The following UBE3C variants were observed in gnomAD, a reference collection of about 807,000 sequenced individuals.
UBE3C encodes the protein ubiquitin protein ligase E3C.
A neutral mutation model predicts 129.4 loss-of-function variants in UBE3C; 42 were observed. The ratio of observed to expected loss-of-function variants is 0.32; its 90% CI spans 0.25 to 0.42. UBE3C has a LOEUF of 0.42. Among genes scored for constraint, UBE3C ranks in the 10% least tolerant of loss-of-function variants. The pLI is 1.00. For missense variants in UBE3C, 1,049 were observed against 1,319.1 expected (o/e 0.80, Z 3.17); for synonymous variants, 510 against 492.4 (o/e 1.04, Z -0.47).
At chr7:157,228,424 C>CT (rs1326988582) in intron 17 of UBE3C, among the ~76,000 whole-genome samples, 1 of 152,234 alleles carries the variant, frequency 6.6e-6, no homozygotes, top group Non-Finnish European at 1.5e-5. Context: ...GGAGCTCACT[C>CT]TGTCATTGAC....
chr7:157,207,370 G>T, intron 11 of UBE3C, 28 bp from the exon 12 acceptor site: 7 of 1,589,396 alleles, frequency 4.4e-6, no homozygotes, highest in South Asian at 2.4e-5. Flanking sequence ...AAAGTGACTG[G>T]TTTTTTTCTT....
chr7:157,142,014 G>T (rs907744330), intron 1 of UBE3C, among the ~76,000 whole-genome samples: 1 of 152,224 alleles, frequency 6.6e-6, no homozygotes, highest in African/African-American at 2.4e-5. Context: ...CACGCCCACA[G>T]CATCTGAAGG....
At chr7:157,222,507 C>T (rs560199336) in intron 15 of UBE3C, 1 of 152,040 alleles carries the variant, frequency 6.6e-6, no homozygotes, top group African/African-American at 2.4e-5. Flanking sequence ...CAGCCTTGAA[C>T]TCTGCAGTCT....
chr7:157,218,889 C>T (rs547717826), intron 14 of UBE3C, among the ~76,000 whole-genome samples: 156 of 152,294 alleles, frequency 1.0e-3, no homozygotes, highest in Non-Finnish European at 1.7e-3. Flanking sequence ...AACCCTTCGT[C>T]ATCATATTTG....
intron 10 of UBE3C, 127 bp from the exon 11 acceptor site, chr7:157,201,594 G>A (rs1291614471): frequency 7.9e-6 from 5 of 629,090 alleles, no homozygotes; most frequent in East Asian, 6.8e-5. Context: ...TGTGGTATTA[G>A]TACAGAGATT....
intron 22 of UBE3C, among the ~76,000 whole-genome samples, chr7:157,262,248 G>A (rs752136290): frequency 2.0e-5 from 3 of 151,400 alleles, no homozygotes; most frequent in Non-Finnish European, 4.4e-5. Context: ...ACATTTTTAT[G>A]AGAGATTTAA....
At chr7:157,200,790 A>G (rs890869270) in intron 10 of UBE3C, among the ~76,000 whole-genome samples, 11 of 151,870 alleles carry the variant, frequency 7.2e-5, no homozygotes, top group East Asian at 1.9e-4. Flanking sequence ...ACCACACCCA[A>G]CTTTTCATAG....
chr7:157,266,848 C>T (rs2116725353), intron 22 of UBE3C, among the ~76,000 whole-genome samples: 1 of 152,164 alleles, frequency 6.6e-6, no homozygotes, highest in East Asian at 1.9e-4. Flanking sequence ...CATCTTTTCA[C>T]CTCAGCCTCC....
chr7:157,219,510 A>C (rs544352341), intron 14 of UBE3C, among the ~76,000 whole-genome samples: 1 of 152,224 alleles, frequency 6.6e-6, no homozygotes, highest in African/African-American at 2.4e-5. Context: ...TACAGGAAAC[A>C]TAGGGGTTAG....
intron 10 of UBE3C, among the ~76,000 whole-genome samples, chr7:157,191,708 T>C (rs1808972876): frequency 1.3e-5 from 2 of 152,222 alleles, no homozygotes; most frequent in Non-Finnish European, 1.5e-5. Context: ...TCATATCTTA[T>C]ACTTTAATAA....
chr7:157,170,354 CG>C lies in UBE3C; in HGVS notation c.251del (p.Gly84AlafsTer15). The stretch of plus-strand genomic sequence containing the variant: ...ATCGCTGTGCTACCTTGTCACAGTC[CG>C]GGGGCGCTTTTCCCATTGCTAATGG... Reference protein sequence around the residue: ...FDRCATLSQSGGAFPIANGPN... With the variant: ...FDRCATLSQSXGAFPIANGPN... On this transcript the variant is annotated frameshift_variant, in exon 4 of 23. Coordinates refer to ENST00000348165, the MANE Select transcript of UBE3C (RefSeq NM_014671.3). LOFTEE classifies it high-confidence loss of function. The C allele has an allele frequency of 1.9e-6, 3 of 1,576,864 alleles. No individual in the cohort carries two copies. The highest frequency in any genetic ancestry group is 2.6e-6 in the Non-Finnish European group (3 of 1,165,124).
At chr7:157,217,161 A>G in intron 14 of UBE3C, 190 bp downstream of exon 14, 1 of 460,138 alleles carries the variant, frequency 2.2e-6, no homozygotes, top group Non-Finnish European at 3.8e-6. Flanking sequence ...TCATTGACTT[A>G]AAATGATATT....
At chr7:157,225,260 A>G (rs1795844416) in intron 16 of UBE3C, 147 bp from the exon 17 acceptor site, 8 of 789,074 alleles carry the variant, frequency 1.0e-5, no homozygotes, top group Non-Finnish European at 1.5e-5. Context: ...ACATTTATTG[A>G]TAAAAATCAA....
intron 18 of UBE3C, among the ~76,000 whole-genome samples, chr7:157,242,124 T>A (rs1584814580): frequency 6.6e-6 from 1 of 152,220 alleles, no homozygotes; most frequent in East Asian, 1.9e-4. Context: ...ATGTAAGTTA[T>A]GTGGGTGATA....
At chr7:157,151,790 T>C (rs987527707) in intron 1 of UBE3C, among the ~76,000 whole-genome samples, 1 of 152,180 alleles carries the variant, frequency 6.6e-6, no homozygotes, top group Non-Finnish European at 1.5e-5. Flanking sequence ...TTGAAGTCAG[T>C]CAGCCCTTGG....
At chr7:157,237,355 G>T (rs1405179936) in intron 18 of UBE3C, among the ~76,000 whole-genome samples, 1 of 152,144 alleles carries the variant, frequency 6.6e-6, no homozygotes, top group East Asian at 2.0e-4. Flanking sequence ...GCAGGAGAAT[G>T]GCGTGAACCC....
chr7:157,254,162 T>C lies in UBE3C; in HGVS notation c.2883+20T>C. 6.2e-7 allele frequency: 1 copy of C among 1,610,740 alleles called. No homozygotes were observed. The highest frequency in any genetic ancestry group is 2.2e-5 in the East Asian group (1 of 44,798). ...ATTCAGGTACCCTACCTGCTGACTT[T>C]CTGGGACACGCTTGTCACAGGAAAT... On this transcript the variant is annotated intron_variant, in intron 20 of 22. Coordinates refer to ENST00000348165, the MANE Select transcript of UBE3C (RefSeq NM_014671.3).
At chr7:157,228,125 T>C (rs1167266824) in intron 17 of UBE3C, among the ~76,000 whole-genome samples, 1 of 152,224 alleles carries the variant, frequency 6.6e-6, no homozygotes, top group Non-Finnish European at 1.5e-5. Flanking sequence ...TTGAAGTGAA[T>C]CCATGCTTTA....
intron 10 of UBE3C, chr7:157,198,012 C>T: frequency 6.9e-6 from 11 of 1,605,092 alleles, no homozygotes; most frequent in Non-Finnish European, 9.4e-6. Flanking sequence ...CTCCATATCC[C>T]AATTCACTTG....
Sources: gnomAD v4.1 joint callset for allele counts (sites outside exome capture counted in the v4.1 genomes callset) on GRCh38, gnomAD v4.1.1 for gene constraint, MANE v1.5 for transcripts, NCBI Gene and HGNC (gene_info 2026-07-23, HGNC 2026-07-21) for gene names.